The following TBC1D12 variants were observed in gnomAD, a reference collection of about 807,000 sequenced individuals.
TBC1D12 encodes the protein TBC1 domain family, member 12.
TBC1D12 carries 56 observed loss-of-function variants against 86.7 expected under a neutral mutation model. The ratio of observed to expected loss-of-function variants is 0.65; its 90% CI spans 0.52 to 0.81. The LOEUF (loss-of-function observed/expected upper bound fraction) is 0.81. Among genes scored for constraint, TBC1D12 ranks in the 30% least tolerant of loss-of-function variants. The probability of loss-of-function intolerance (pLI) is 0.00; values close to 1 mark genes in which losing one functional copy is unlikely to be tolerated. For synonymous variants in TBC1D12, 421 were observed against 411.7 expected (o/e 1.02, Z -0.27); for missense variants, 1,023 against 1,038.8 (o/e 0.98, Z 0.21).
intron 7 of TBC1D12, among the ~76,000 whole-genome samples, 200 bp downstream of exon 7, chr10:94,507,547 T>G (rs775981838): frequency 2.0e-5 from 3 of 152,200 alleles, no homozygotes; most frequent in Non-Finnish European, 4.4e-5. Flanking sequence ...TGTCAGCTAT[T>G]TGTGGAGAAC....
At chr10:94,487,258 T>A (rs548207226) in intron 3 of TBC1D12, among the ~76,000 whole-genome samples, 47 of 150,520 alleles carry the variant, frequency 3.1e-4, no homozygotes, top group Middle Eastern at 6.9e-3. Flanking sequence ...TTTTTTTTTT[T>A]AAATCTATTC....
chr10:94,488,278 C>T (rs183876693), intron 3 of TBC1D12, among the ~76,000 whole-genome samples: 1 of 150,566 alleles, frequency 6.6e-6, no homozygotes, highest in Admixed American at 6.6e-5. Context: ...ATCTCAGCTA[C>T]TTGGGAGACT....
At chr10:94,455,843 A>G (rs1413262273) in intron 2 of TBC1D12, among the ~76,000 whole-genome samples, 2 of 152,186 alleles carry the variant, frequency 1.3e-5, no homozygotes, top group Non-Finnish European at 1.5e-5. Context: ...CTGTAGTCCC[A>G]ACTCCTTGGG....
At chr10:94,465,786 A>G (rs1308244458) in intron 2 of TBC1D12, among the ~76,000 whole-genome samples, 1 of 137,640 alleles carries the variant, frequency 7.3e-6, no homozygotes, top group African/African-American at 2.8e-5. Context: ...ATACATACAT[A>G]CATATACGCA....
At position 94,403,306 on chromosome 10, in the gene TBC1D12, G is replaced by C; in HGVS notation, c.693G>C (p.Glu231Asp). The C allele has an allele frequency of 6.6e-7, 1 of 1,512,576 alleles. No individual in the cohort carries two copies. Among genetic ancestry groups the C allele is most frequent in the South Asian group, 1.3e-5 (1 of 79,204 alleles). 93.7% of individuals were successfully genotyped at this position (1,512,576 alleles called of 1,614,324 possible). A position where few individuals can be genotyped will look rare whatever the true frequency, so the allele number is the denominator to read the frequency against. ...DSPASSCSSS[E>D]DSEQRGVGAG... ...CCGCCAGCAGCTGCAGCAGTAGCGA[G>C]GACTCAGAGCAGCGGGGAGTCGGCG... is the stretch of plus-strand genomic sequence containing the variant. The change falls in exon 1 of 13, where the codon GAG (glutamate) becomes GAC (aspartate). Residue 231 changes from glutamate (E) to aspartate (D), a missense_variant. Glu to Asp is a conservative substitution (Grantham distance 45). This residue lies in a region of TBC1D12 where 628 missense variants were observed against 531.1 expected (regional missense o/e 1.18). Transcript: ENST00000225235.
chr10:94,532,025 T>C (rs1317822056), intron 12 of TBC1D12, among the ~76,000 whole-genome samples: 2 of 147,540 alleles, frequency 1.4e-5, no homozygotes, highest in East Asian at 2.1e-4. Context: ...GGACTACAGG[T>C]GCCCGCCACC....
At chr10:94,446,528 G>T (rs2055464116) in intron 2 of TBC1D12, among the ~76,000 whole-genome samples, 1 of 151,906 alleles carries the variant, frequency 6.6e-6, no homozygotes, top group Non-Finnish European at 1.5e-5. Flanking sequence ...TCAGAAAGAA[G>T]TTGTTGATTC....
rs1476916388 is a variant in TBC1D12 at position 94,535,366 on chromosome 10, A to C, written c.*2270A>C. ...ACAGTGTGTTTTTATGTTGCAGTTT[A>C]GTTTGAAACAACACTTAAGCACACT... On this transcript the variant is annotated 3_prime_UTR_variant, in exon 13 of 13. Transcript: ENST00000225235. 1 of 152,200 alleles carries C rather than the reference A, an allele frequency of 6.6e-6. No homozygotes were observed. The highest frequency in any genetic ancestry group is 1.5e-5 in the Non-Finnish European group (1 of 68,040). 9.4% of individuals were successfully genotyped at this position (152,200 alleles called of 1,614,324 possible).
intron 2 of TBC1D12, among the ~76,000 whole-genome samples, chr10:94,473,710 A>G (rs1214494557): frequency 6.6e-6 from 1 of 152,224 alleles, no homozygotes; most frequent in East Asian, 1.9e-4. Flanking sequence ...GATTTTTTAG[A>G]AAGGAAAAAA....
intron 6 of TBC1D12, among the ~76,000 whole-genome samples, chr10:94,501,841 C>T (rs2056401770): frequency 6.6e-6 from 1 of 151,930 alleles, no homozygotes; most frequent in Non-Finnish European, 1.5e-5. Flanking sequence ...AGCCACCGTG[C>T]CTGGCTTGCA....
chr10:94,498,155 A>G (rs1297556913), intron 5 of TBC1D12, among the ~76,000 whole-genome samples: 2 of 152,186 alleles, frequency 1.3e-5, no homozygotes, highest in African/African-American at 4.8e-5. Flanking sequence ...CATACCATCA[A>G]TTGTAAGACG....
At chr10:94,520,149 T>G (rs535959191) in intron 9 of TBC1D12, among the ~76,000 whole-genome samples, 3 of 152,328 alleles carry the variant, frequency 2.0e-5, no homozygotes, top group East Asian at 1.9e-4. Flanking sequence ...TTAAGAGAGA[T>G]AGCACCCTCT....
chr10:94,495,775 T>C (rs2056310822), intron 4 of TBC1D12, among the ~76,000 whole-genome samples: 1 of 152,116 alleles, frequency 6.6e-6, no homozygotes, highest in Admixed American at 6.5e-5. Context: ...AGAAATCTTA[T>C]ATAGAATATG....
chr10:94,445,639 C>A (rs1458256734), intron 2 of TBC1D12, among the ~76,000 whole-genome samples: 1 of 152,002 alleles, frequency 6.6e-6, no homozygotes, highest in Non-Finnish European at 1.5e-5. Flanking sequence ...TTTCTTCTGA[C>A]CTTTTTCCAT....
chr10:94,465,124 A>T (rs1156890985), intron 2 of TBC1D12, among the ~76,000 whole-genome samples: 1 of 152,242 alleles, frequency 6.6e-6, no homozygotes, highest in African/African-American at 2.4e-5. Flanking sequence ...GGAATCTGAA[A>T]CCATATAATT....
intron 6 of TBC1D12, among the ~76,000 whole-genome samples, chr10:94,500,839 T>G (rs2056385671): frequency 6.6e-6 from 1 of 152,052 alleles, no homozygotes; most frequent in African/African-American, 2.4e-5. Context: ...GTGGATCACC[T>G]GAAGTCAGGA....
chr10:94,487,490 T>G (rs1554944734), intron 3 of TBC1D12, among the ~76,000 whole-genome samples: 1 of 151,976 alleles, frequency 6.6e-6, no homozygotes, highest in Non-Finnish European at 1.5e-5. Flanking sequence ...TTTTTTTTAT[T>G]TGAGGTTACC....
At chr10:94,532,379 A>G (rs988292091) in intron 12 of TBC1D12, among the ~76,000 whole-genome samples, 2 of 149,670 alleles carry the variant, frequency 1.3e-5, no homozygotes, top group South Asian at 2.2e-4. Flanking sequence ...GGGTTTCACC[A>G]TGTTAGCCAG....
chr10:94,530,859 T>A (rs1200195549), intron 11 of TBC1D12, among the ~76,000 whole-genome samples: 1 of 146,446 alleles, frequency 6.8e-6, no homozygotes, highest in African/African-American at 2.5e-5. Context: ...GAAGCCTTTT[T>A]TTTTTTTTTT....
Sources: allele counts gnomAD v4.1 joint callset (sites outside exome capture counted in the v4.1 genomes callset), GRCh38; gene constraint gnomAD v4.1.1; regional missense constraint gnomAD v4.1.1; transcripts MANE v1.5; gene names NCBI Gene and HGNC (gene_info 2026-07-23, HGNC 2026-07-21).